FAM153A: variants seen among roughly 807,000 people sequenced by gnomAD.
FAM153A encodes protein FAM153A.
FAM153A carries 12 observed loss-of-function variants against 48.1 expected under a neutral mutation model. The ratio of observed to expected loss-of-function variants is 0.25; its 90% CI spans 0.16 to 0.40. The LOEUF (loss-of-function observed/expected upper bound fraction) is 0.40. Ranked by LOEUF, FAM153A falls within the 10% of genes least tolerant of loss-of-function variation. The probability of loss-of-function intolerance (pLI) is 1.00; values close to 1 mark genes in which losing one functional copy is unlikely to be tolerated. For synonymous variants in FAM153A, 36 were observed against 118.2 expected (o/e 0.30, Z 4.51); for missense variants, 111 against 345.8 (o/e 0.32, Z 5.38).
downstream of FAM153A, among the ~76,000 whole-genome samples, chr5:177,719,248 ATATT>A (rs1014898674): frequency 7.9e-5 from 12 of 151,188 alleles, no homozygotes; most frequent in African/African-American, 2.2e-4. Context: ...TTATAAAAAA[ATATT>A]TAACCTCTTT....
At chr5:177,764,328 C>T (rs1245073418) in intron 1 of FAM153A, among the ~76,000 whole-genome samples, 1 of 151,664 alleles carries the variant, frequency 6.6e-6, no homozygotes, top group African/African-American at 2.4e-5. Flanking sequence ...ATGCTGTGAA[C>T]AACTGGGCTA....
intron 10 of FAM153A, among the ~76,000 whole-genome samples, chr5:177,737,888 A>G (rs1184527925): frequency 6.6e-6 from 1 of 151,750 alleles, no homozygotes; most frequent in Non-Finnish European, 1.5e-5. Flanking sequence ...AAAATATTCT[A>G]TGTATTCACT....
intron 26 of FAM153A, among the ~76,000 whole-genome samples, chr5:177,713,502 C>T (rs1758912176): frequency 6.6e-6 from 1 of 151,578 alleles, no homozygotes; most frequent in Admixed American, 6.6e-5. Context: ...CGTGATCCGC[C>T]CACCTCAGCC....
chr5:177,752,638 A>AGAAAAG (rs1554153711), intron 1 of FAM153A, among the ~76,000 whole-genome samples: 3 of 98,730 alleles, frequency 3.0e-5, no homozygotes, highest in African/African-American at 4.4e-5. Flanking sequence ...AAAAAAAAAA[A>AGAAAAG]AAAAGAAAAG....
intron 18 of FAM153A, among the ~76,000 whole-genome samples, chr5:177,728,660 T>G (rs1207340322): frequency 6.7e-6 from 1 of 149,186 alleles, no homozygotes; most frequent in Admixed American, 6.7e-5. Context: ...CTCTACCACC[T>G]GGGTTCAGGT....
chr5:177,700,725 C>T, the FAM153A span, among the ~76,000 whole-genome samples: 3 of 151,770 alleles, frequency 2.0e-5, no homozygotes, highest in Non-Finnish European at 2.9e-5. Context: ...TCACTTGAAC[C>T]CAGGAGGCGG....
chr5:177,779,155 T>C (rs1230595022), intron 1 of FAM153A, among the ~76,000 whole-genome samples: 1 of 151,620 alleles, frequency 6.6e-6, no homozygotes, highest in Non-Finnish European at 1.5e-5. Flanking sequence ...GGTTGACCCA[T>C]TCAAGGCAGT....
chr5:177,695,530 AC>A, the FAM153A span, among the ~76,000 whole-genome samples: 1 of 152,374 alleles, frequency 6.6e-6, no homozygotes, highest in East Asian at 1.9e-4. Context: ...AATCCATTTA[AC>A]CCTGAGTTGA....
chr5:177,760,189 TA>T (rs1419310877), intron 1 of FAM153A, among the ~76,000 whole-genome samples: 1 of 144,012 alleles, frequency 6.9e-6, no homozygotes, highest in African/African-American at 2.6e-5. Context: ...AATTAAAAAA[TA>T]CCAGACCACA....
At position 177,779,149 on chromosome 5, in the gene FAM153A, G is replaced by A. The variant is rs371750267; in HGVS notation, c.-57+1300C>T. Among the ~76,000 whole-genome samples, 6 of 151,532 alleles carry A rather than the reference G, an allele frequency of 4.0e-5. No individual in the cohort carries two copies. In the East Asian group the frequency reaches 1.2e-3, roughly 29 times the overall value. The stretch of plus-strand genomic sequence containing the variant: ...TTTCTTATAAAACTAAAATATGGTT[G>A]ACCCATTCAAGGCAGTTCATCACAG... On this transcript the variant is annotated intron_variant, in intron 1 of 8. Transcript: ENST00000393518.
chr5:177,729,506 C>T, exon 17 of FAM153A: 1 of 1,608,202 alleles, frequency 6.2e-7, no homozygotes, highest in Non-Finnish European at 8.5e-7. Flanking sequence ...CTGTGGCTTC[C>T]TCAGAGACTG....
the FAM153A span, among the ~76,000 whole-genome samples, chr5:177,699,925 T>C: frequency 6.6e-6 from 1 of 151,200 alleles, no homozygotes; most frequent in Admixed American, 6.6e-5. Flanking sequence ...TACCAACCAA[T>C]ATCTCCTATG....
chr5:177,719,578 A>AT (rs955334627), downstream of FAM153A, among the ~76,000 whole-genome samples: 26 of 141,104 alleles, frequency 1.8e-4, 1 homozygote, highest in African/African-American at 4.7e-4. Context: ...TTATTTATTT[A>AT]TTTTTTTTTC....
Position 177,776,648 on chromosome 5 carries a change from T to A in FAM153A, c.-57+3801A>T, listed in dbSNP as rs1366985585. 5.8e-3 allele frequency among the ~76,000 whole-genome samples: 338 copies of A among 58,592 alleles called. 74 individuals carry two copies. The highest frequency in any genetic ancestry group is 0.024 in the African/African-American group (321 of 13,244). 38.4% of individuals were successfully genotyped at this position (58,592 alleles called of 152,430 possible). A position where few individuals can be genotyped will look rare whatever the true frequency, so the allele number is the denominator to read the frequency against. ...TGGAAGAACATTCCATGCTCATGGGTAGGAAGAATCAATATCGTGAAAATG... is the reference window on the plus strand; with the variant it reads ...TGGAAGAACATTCCATGCTCATGGGAAGGAAGAATCAATATCGTGAAAATG... On this transcript the variant is annotated intron_variant, in intron 1 of 8. Coordinates refer to the FAM153A transcript ENST00000393518.
the FAM153A span, among the ~76,000 whole-genome samples, chr5:177,697,604 T>A: frequency 2.6e-5 from 4 of 151,854 alleles, no homozygotes; most frequent in South Asian, 2.1e-4. Context: ...GTGGTTGTCA[T>A]TGGGCAGCAA....
downstream of FAM153A, among the ~76,000 whole-genome samples, chr5:177,709,955 G>A (rs1317557222): frequency 2.4e-5 from 3 of 127,168 alleles, no homozygotes; most frequent in African/African-American, 9.1e-5. Flanking sequence ...GAGCCACCGC[G>A]CCCAGCTGAA....
chr5:177,759,094 T>C (rs1254099441), intron 1 of FAM153A, among the ~76,000 whole-genome samples: 2 of 151,674 alleles, frequency 1.3e-5, no homozygotes, highest in Non-Finnish European at 2.9e-5. Context: ...AGGGCTAATA[T>C]CCAGAATCTA....
chr5:177,698,146 G>A, the FAM153A span, among the ~76,000 whole-genome samples: 1 of 151,568 alleles, frequency 6.6e-6, no homozygotes, highest in Non-Finnish European at 1.5e-5. Flanking sequence ...TGATGCCCAG[G>A]AAGGGAAGGA....
chr5:177,702,098 C>T, the FAM153A span, among the ~76,000 whole-genome samples: 5 of 151,646 alleles, frequency 3.3e-5, no homozygotes, highest in East Asian at 1.9e-4. Flanking sequence ...TTAGTAGAGA[C>T]GGGGTTTCAC....
Sources: allele counts gnomAD v4.1 joint callset (sites outside exome capture counted in the v4.1 genomes callset), GRCh38; gene constraint gnomAD v4.1.1; transcripts MANE v1.5; gene names NCBI Gene and HGNC (gene_info 2026-07-23, HGNC 2026-07-21).